The following UBAC2 variants were observed in gnomAD, a reference collection of about 807,000 sequenced individuals.
UBAC2 encodes ubiquitin-associated domain-containing protein 2.
Under a neutral mutation model 44.0 loss-of-function variants are expected in UBAC2, and 26 were observed. The observed-to-expected ratio is 0.59, with a 90% CI of 0.43 to 0.82. The LOEUF (loss-of-function observed/expected upper bound fraction) is 0.82. Ranked by LOEUF, UBAC2 falls within the 40% of genes least tolerant of loss-of-function variation. The pLI is 0.00. For missense variants in UBAC2, 329 were observed against 419.4 expected (o/e 0.78, Z 1.88); for synonymous variants, 155 against 154.3 (o/e 1.00, Z -0.04).
At chr13:99,287,968 G>T (rs2044041717) in intron 4 of UBAC2, among the ~76,000 whole-genome samples, 1 of 151,992 alleles carries the variant, frequency 6.6e-6, no homozygotes, top group Admixed American at 6.5e-5. Flanking sequence ...ATTTTTATAG[G>T]CTAATATAGG....
intron 7 of UBAC2, among the ~76,000 whole-genome samples, chr13:99,350,670 A>G (rs546419146): frequency 6.6e-6 from 1 of 152,230 alleles, no homozygotes; most frequent in Non-Finnish European, 1.5e-5. Flanking sequence ...AAATGGGTAG[A>G]TGTCAGTGTT....
At chr13:99,292,388 C>T (rs1282682050) in intron 4 of UBAC2, among the ~76,000 whole-genome samples, 2 of 151,954 alleles carry the variant, frequency 1.3e-5, no homozygotes, top group East Asian at 1.9e-4. Context: ...GTGATTCACC[C>T]GCCTCGGCCT....
Position 99,246,917 on chromosome 13 carries a change from G to C in UBAC2, c.389+2293G>C, listed in dbSNP as rs574390171. Among the ~76,000 whole-genome samples the C allele has an allele frequency of 2.6e-5, 4 of 152,184 alleles. No homozygotes were observed. In the East Asian group the frequency reaches 7.7e-4, roughly 29 times the overall value. ...TAGTATGACTTTTTTAAATCTTCAG[G>C]CTTTCTCAAACATAGACTTTTTGGA... On this transcript the variant is annotated intron_variant, in intron 4 of 8. Coordinates refer to ENST00000403766, the MANE Select transcript of UBAC2 (RefSeq NM_001144072.2).
chr13:99,341,550 A>T (rs187485031), intron 7 of UBAC2, among the ~76,000 whole-genome samples: 2 of 152,322 alleles, frequency 1.3e-5, no homozygotes, highest in East Asian at 1.9e-4. Context: ...CCCATGGTGT[A>T]TTTAAAGCTG....
At chr13:99,286,917 C>T (rs2044025513) in intron 4 of UBAC2, among the ~76,000 whole-genome samples, 1 of 152,188 alleles carries the variant, frequency 6.6e-6, no homozygotes, top group Non-Finnish European at 1.5e-5. Context: ...AACTGTGTCT[C>T]AGTTCTTTCT....
Position 99,238,558 on chromosome 13 carries a change from AGCTCT to A in UBAC2, c.159+7_159+11del. The A allele has an allele frequency of 6.2e-7, 1 of 1,600,666 alleles. No individual in the cohort carries two copies. Among genetic ancestry groups the A allele is most frequent in the Non-Finnish European group, 8.5e-7 (1 of 1,173,382 alleles). ...CGCAGTCAAGAACGACTTCCAGGTA[AGCTCT>A]GCCTCATTGGCCCCTGAGAGGAGAG... On this transcript the variant is annotated splice_donor_5th_base_variant and intron_variant, in intron 2 of 8. Transcript: ENST00000403766.
At chr13:99,333,984 C>T (rs59186511) in intron 6 of UBAC2, among the ~76,000 whole-genome samples, 20,018 of 152,076 alleles carry the variant, frequency 0.13, 1,551 homozygotes, top group East Asian at 0.32. Flanking sequence ...GATCTTGCTC[C>T]GTCACCCAGG....
chr13:99,221,899 C>T (rs79708491), intron 1 of UBAC2, among the ~76,000 whole-genome samples: 1,750 of 152,262 alleles, frequency 0.011, 41 homozygotes, highest in African/African-American at 0.04. Flanking sequence ...GCCTTTGTCT[C>T]ACCTTTTACT....
rs892457332 is a variant in UBAC2, at chr13:99,316,757, G to A, written c.514-1265G>A. On this transcript the variant is annotated intron_variant, in intron 5 of 8. Coordinates refer to ENST00000403766, the MANE Select transcript of UBAC2 (RefSeq NM_001144072.2). ...AAAATGATACGCTCTTTTTACTTGCGTATGAGACCTGGAAGAGTGGAGAGC... is the reference window on the plus strand; with the variant it reads ...AAAATGATACGCTCTTTTTACTTGCATATGAGACCTGGAAGAGTGGAGAGC... 4.5e-4 allele frequency among the ~76,000 whole-genome samples: 69 copies of A among 152,300 alleles called. No individual in the cohort carries two copies. The Middle Eastern group carries it at 0.014, about 30-fold the overall frequency.
intron 7 of UBAC2, among the ~76,000 whole-genome samples, chr13:99,366,465 CCCAAAA>C (rs879524357): frequency 1.9e-4 from 29 of 152,172 alleles, no homozygotes; most frequent in Admixed American, 7.2e-4. Flanking sequence ...ATATCTCCAT[CCCAAAA>C]CCAATCTTTA....
chr13:99,317,157 G>A (rs1270454511), intron 5 of UBAC2, among the ~76,000 whole-genome samples: 1 of 152,132 alleles, frequency 6.6e-6, no homozygotes, highest in African/African-American at 2.4e-5. Flanking sequence ...CTTTCTGTGT[G>A]TCCTTGGTAA....
At chr13:99,322,171 A>T (rs2044576701) in intron 6 of UBAC2, among the ~76,000 whole-genome samples, 1 of 152,244 alleles carries the variant, frequency 6.6e-6, no homozygotes, top group Admixed American at 6.5e-5. Context: ...CTGTTCTTCT[A>T]GATGTCTGGT....
intron 4 of UBAC2, among the ~76,000 whole-genome samples, chr13:99,292,648 AT>A (rs2044106711): frequency 6.6e-6 from 1 of 150,710 alleles, no homozygotes; most frequent in South Asian, 2.1e-4. Flanking sequence ...ACACTATTCT[AT>A]TTTTACTATC....
chr13:99,255,626 C>T, intron 4 of UBAC2: 2 of 1,614,108 alleles, frequency 1.2e-6, no homozygotes, highest in Non-Finnish European at 1.7e-6. Context: ...TCATCTTTTG[C>T]ATAATAAAAC....
chr13:99,345,888 G>A lies in UBAC2; in HGVS notation c.807+5323G>A, dbSNP rs188319431. Among the ~76,000 whole-genome samples, 636 of 151,700 alleles carry A rather than the reference G, an allele frequency of 4.2e-3. 1 individual carries two copies. The highest frequency in any genetic ancestry group is 0.015 in the African/African-American group (602 of 41,332). ...CTCCCGAGTAGCTGGGATTACAGGC[G>A]CTCACCACCACATCCGGCTAATTTT... On this transcript the variant is annotated intron_variant, in intron 7 of 8. Transcript: ENST00000403766.
chr13:99,268,611 C>CAAAAAAAAAAAAAA (rs756827927), intron 4 of UBAC2, among the ~76,000 whole-genome samples: 11 of 75,684 alleles, frequency 1.5e-4, no homozygotes, highest in African/African-American at 4.4e-4. Flanking sequence ...GACTCTGTCT[C>CAAAAAAAAAAAAAA]AAAAAAAAAA....
chr13:99,333,952 A>T (rs1333406171), intron 6 of UBAC2, among the ~76,000 whole-genome samples: 1 of 152,104 alleles, frequency 6.6e-6, no homozygotes, highest in Non-Finnish European at 1.5e-5. Context: ...TAAAAACCTG[A>T]TTTAAAAAAA....
intron 1 of UBAC2, among the ~76,000 whole-genome samples, chr13:99,202,437 G>A (rs796101868): frequency 3.9e-5 from 6 of 152,294 alleles, no homozygotes; most frequent in African/African-American, 1.4e-4. Context: ...TACTGGTTAT[G>A]AAATTAATGG....
chr13:99,334,152 G>A (rs1405995424), intron 6 of UBAC2, among the ~76,000 whole-genome samples: 1 of 151,916 alleles, frequency 6.6e-6, no homozygotes, highest in African/African-American at 2.4e-5. Context: ...TAGAGATGGG[G>A]GTCTTGCTCT....
Sources: allele counts gnomAD v4.1 joint callset (sites outside exome capture counted in the v4.1 genomes callset), GRCh38; gene constraint gnomAD v4.1.1; transcripts MANE v1.5; gene names NCBI Gene and HGNC (gene_info 2026-07-23, HGNC 2026-07-21).